PAQR7: variants seen among roughly 807,000 people sequenced by gnomAD.
The protein encoded by PAQR7 is membrane progestin receptor alpha.
PAQR7 carries 14 observed loss-of-function variants against 24.6 expected under a neutral mutation model. The observed-to-expected ratio is 0.57, with a 90% CI of 0.38 to 0.89. The LOEUF (loss-of-function observed/expected upper bound fraction) is 0.89. PAQR7 is among the 40% of genes least tolerant of loss of function. The pLI, the probability that PAQR7 is intolerant of heterozygous loss-of-function variation, is 0.00. For synonymous variants in PAQR7, 189 were observed against 198.8 expected, an observed-to-expected ratio of 0.95 and a Z score of 0.42; for missense variants, 351 against 444.0, an observed-to-expected ratio of 0.79 and a Z score of 1.88.
intron 2 of PAQR7, among the ~76,000 whole-genome samples, chr1:25,869,395 A>T (rs1406707281): frequency 6.6e-6 from 1 of 151,966 alleles, no homozygotes; most frequent in East Asian, 1.9e-4. Flanking sequence ...AATATTGGGA[A>T]ACCCCATGTC....
chr1:25,874,241 C>T (rs1216586695), intron 1 of PAQR7, among the ~76,000 whole-genome samples: 1 of 150,972 alleles, frequency 6.6e-6, no homozygotes, highest in East Asian at 1.9e-4. Context: ...AGTACAGTGG[C>T]ACCATCTCAG....
At chr1:25,868,437 G>A (rs1043051816) in intron 2 of PAQR7, among the ~76,000 whole-genome samples, 2 of 152,178 alleles carry the variant, frequency 1.3e-5, no homozygotes, top group East Asian at 1.9e-4. Context: ...GGCTGGACAC[G>A]ATGGCTCATG....
rs1572284179 is a variant in PAQR7, at chr1:25,875,201, G to T, written c.-109+287C>A. On this transcript the variant is annotated intron_variant, in intron 1 of 2. Coordinates refer to ENST00000675840, the MANE Select transcript of PAQR7 (RefSeq NM_178422.6). The surrounding 1 kb of genome is among the most constrained non-coding windows in gnomAD (Gnocchi z 5.4). ...CCCCATCCGCATCCTCCTCAGCCGTGCTCCTTCTGCTCCTCCCACCCTTCC... is the reference window on the plus strand; with the variant it reads ...CCCCATCCGCATCCTCCTCAGCCGTTCTCCTTCTGCTCCTCCCACCCTTCC... Among the ~76,000 whole-genome samples the T allele has an allele frequency of 6.8e-6, 1 of 147,690 alleles. No individual in the cohort carries two copies. Among genetic ancestry groups the T allele is most frequent in the South Asian group, 2.1e-4 (1 of 4,818 alleles).
chr1:25,874,890 T>G (rs2048636451), intron 1 of PAQR7, among the ~76,000 whole-genome samples: 1 of 152,168 alleles, frequency 6.6e-6, no homozygotes, highest in Non-Finnish European at 1.5e-5. Flanking sequence ...CTTGGGCCCA[T>G]GGAGCAAGTG....
chr1:25,869,926 C>CT (rs755253836), intron 2 of PAQR7, among the ~76,000 whole-genome samples: 2 of 152,170 alleles, frequency 1.3e-5, no homozygotes, highest in Admixed American at 6.5e-5. Flanking sequence ...ATAATGGGCC[C>CT]TATGGACAAA....
At chr1:25,866,419 C>T (rs944521187) in intron 2 of PAQR7, among the ~76,000 whole-genome samples, 1 of 152,212 alleles carries the variant, frequency 6.6e-6, no homozygotes, top group Admixed American at 6.5e-5. Context: ...TTAACAAACA[C>T]TTACTGAGCC....
At chr1:25,865,810 A>G (rs1267714728) in intron 2 of PAQR7, among the ~76,000 whole-genome samples, 1 of 151,826 alleles carries the variant, frequency 6.6e-6, no homozygotes, top group Non-Finnish European at 1.5e-5. Context: ...CCATCTCAAA[A>G]ATAAATAAAT....
At chr1:25,866,771 C>T (rs112368771) in intron 2 of PAQR7, among the ~76,000 whole-genome samples, 2,183 of 152,260 alleles carry the variant, frequency 0.014, 54 homozygotes, top group African/African-American at 0.049. Context: ...CTTGCTCTGT[C>T]ACCCAGGCTG....
rs565565592 is a variant in PAQR7, at chr1:25,874,040, C to T, written c.-109+1448G>A. Among the ~76,000 whole-genome samples the T allele has an allele frequency of 7.9e-5, 12 of 152,244 alleles. No individual in the cohort carries two copies. In the East Asian group the frequency reaches 1.9e-3, roughly 24 times the overall value. ...CTGGGATTACAGGCATGCACCACCA[C>T]ACCCGGCTAATTTTGTATTTTTAGT... On this transcript the variant is annotated intron_variant, in intron 1 of 2. Coordinates refer to ENST00000675840, the MANE Select transcript of PAQR7 (RefSeq NM_178422.6).
chr1:25,870,142 G>A (rs1373233237), intron 2 of PAQR7, among the ~76,000 whole-genome samples: 3 of 152,144 alleles, frequency 2.0e-5, no homozygotes, highest in Non-Finnish European at 2.9e-5. Context: ...ATGGATATCC[G>A]GAGGGCACCA....
intron 1 of PAQR7, among the ~76,000 whole-genome samples, chr1:25,872,418 G>A (rs140743531): frequency 4.8e-4 from 73 of 152,096 alleles, no homozygotes; most frequent in Non-Finnish European, 8.5e-4. Flanking sequence ...TGTGCCAGGC[G>A]CTGCAGCTTC....
chr1:25,866,802 G>C (rs1469616083), intron 2 of PAQR7, among the ~76,000 whole-genome samples: 1 of 151,794 alleles, frequency 6.6e-6, no homozygotes, highest in Non-Finnish European at 1.5e-5. Context: ...GCTCAATCTC[G>C]GCTCACTGCA....
chr1:25,874,816 G>A (rs1471940736), intron 1 of PAQR7, among the ~76,000 whole-genome samples: 1 of 152,122 alleles, frequency 6.6e-6, no homozygotes, highest in Non-Finnish European at 1.5e-5. Context: ...CACTGTGTGT[G>A]GGGGACCCCC....
In PAQR7 at chr1:25,862,483, A is replaced by G. The variant is rs2048519165; in HGVS notation, c.*316T>C. ...CCTGCCTAGACAATCTAGAAGCCCC[A>G]ATCCTCACCAAGCTGACCCCCAGCC... On this transcript the variant is annotated 3_prime_UTR_variant, in exon 3 of 3. Transcript: ENST00000675840. 3 of 317,334 alleles carry G rather than the reference A, an allele frequency of 9.5e-6. No homozygotes were observed. The South Asian group carries it at 1.4e-4, about 14-fold the overall frequency. The allele number at this position is 317,334 out of a possible 1,614,324, so 19.7% of individuals were successfully genotyped here. A position where few individuals can be genotyped will look rare whatever the true frequency, so the allele number is the denominator to read the frequency against.
At chr1:25,873,754 A>G (rs1279440532) in intron 1 of PAQR7, among the ~76,000 whole-genome samples, 1 of 152,136 alleles carries the variant, frequency 6.6e-6, no homozygotes, top group African/African-American at 2.4e-5. Context: ...TATTATGTGT[A>G]GAGACAAGGT....
chr1:25,870,681 G>A lies in PAQR7; in HGVS notation c.-95C>T, dbSNP rs562633803. The stretch of plus-strand genomic sequence containing the variant: ...GGTTGATGGTGTCAGGCAAACTTCA[G>A]TGGTTCCTGTCCACTACTCAGTGGG... On this transcript the variant is annotated 5_prime_UTR_variant, in exon 2 of 3. Transcript: ENST00000675840. 6.6e-6 allele frequency: 1 copy of A among 152,378 alleles called. No individual in the cohort carries two copies. The highest frequency in any genetic ancestry group is 2.4e-5 in the African/African-American group (1 of 41,578). 9.4% of individuals were successfully genotyped at this position (152,378 alleles called of 1,614,324 possible). A position where few individuals can be genotyped will look rare whatever the true frequency, so the allele number is the denominator to read the frequency against.
At position 25,868,702 on chromosome 1, in the gene PAQR7, C is replaced by A. The variant is rs1297006133; in HGVS notation, c.-23+1907G>T. On this transcript the variant is annotated intron_variant, in intron 2 of 2. Transcript: ENST00000675840. ...TCCAGCCTGGGTGACAGAGTGAGAC[C>A]CTTTCTCAAAAAAAAAAAAAAAAAA... is the stretch of plus-strand genomic sequence containing the variant. Among the ~76,000 whole-genome samples the A allele has an allele frequency of 4.2e-5, 5 of 118,652 alleles. No homozygotes were observed. The East Asian group carries it at 9.6e-4, about 23-fold the overall frequency. 77.8% of individuals were successfully genotyped at this position (118,652 alleles called of 152,430 possible). A position where few individuals can be genotyped will look rare whatever the true frequency, so the allele number is the denominator to read the frequency against.
At chr1:25,865,264 G>T (rs192276256) in intron 2 of PAQR7, among the ~76,000 whole-genome samples, 4 of 152,072 alleles carry the variant, frequency 2.6e-5, no homozygotes, top group African/African-American at 9.7e-5. Flanking sequence ...ATCCTTTGAC[G>T]ATTTTCACAT....
chr1:25,864,875 G>A (rs535657147), intron 2 of PAQR7, among the ~76,000 whole-genome samples: 3 of 151,934 alleles, frequency 2.0e-5, no homozygotes, highest in African/African-American at 4.8e-5. Flanking sequence ...AACAAACAGC[G>A]GCCAGGTGCG....
Sources: gnomAD v4.1 joint callset for allele counts (sites outside exome capture counted in the v4.1 genomes callset) on GRCh38, gnomAD v4.1.1 for gene constraint, Gnocchi (gnomAD v3.1) non-coding constraint, MANE v1.5 for transcripts, NCBI Gene and HGNC (gene_info 2026-07-23, HGNC 2026-07-21) for gene names.